ANO4: variants seen among roughly 807,000 people sequenced by gnomAD.
ANO4 encodes anoctamin 4, also known as anoctamin-4.
ANO4 carries 69 observed loss-of-function variants against 141.9 expected under a neutral mutation model. That is an observed-to-expected ratio of 0.49 (90% CI 0.40 to 0.59). The LOEUF (loss-of-function observed/expected upper bound fraction) is 0.59. Ranked by LOEUF, ANO4 falls within the 20% of genes least tolerant of loss-of-function variation. The pLI is 0.00. For synonymous variants in ANO4, 350 were observed against 394.3 expected (o/e 0.89, Z 1.33); for missense variants, 894 against 1,162.2 (o/e 0.77, Z 3.36).
intron 2 of ANO4, among the ~76,000 whole-genome samples, chr12:100,904,908 A>G (rs2040766041): frequency 6.6e-6 from 1 of 152,212 alleles, no homozygotes; most frequent in Non-Finnish European, 1.5e-5. Context: ...AGCAGAAGTA[A>G]TGGTGAGAAT....
chr12:100,967,570 GACAC>G (rs3059289), intron 5 of ANO4, among the ~76,000 whole-genome samples: 21,324 of 149,128 alleles, frequency 0.14, 1,804 homozygotes, highest in Middle Eastern at 0.26. Context: ...ATGTAAAGAG[GACAC>G]ACACACACAC....
chr12:101,049,353 A>C (rs1468579894), intron 14 of ANO4, among the ~76,000 whole-genome samples: 1 of 152,168 alleles, frequency 6.6e-6, no homozygotes, highest in Admixed American at 6.6e-5. Flanking sequence ...GCTCCAGCCA[A>C]AAGATGTCTT....
rs2048706036 is a variant in ANO4 at position 101,068,995 on chromosome 12, C to T, written c.1313-10198C>T. 5.1e-6 allele frequency: 4 copies of T among 787,806 alleles called. No individual in the cohort carries two copies. The East Asian group carries it at 9.9e-5, about 19-fold the overall frequency. 48.8% of individuals were successfully genotyped at this position (787,806 alleles called of 1,614,324 possible). ...TGACTATGAAAAATCAAACAAAGCT[C>T]TGGATAAGGCCCAGTTTAAAGAGCA... On this transcript the variant is annotated intron_variant, in intron 14 of 27. Transcript: ENST00000392977.
At chr12:100,881,812 A>G (rs1348377960) in intron 1 of ANO4, among the ~76,000 whole-genome samples, 1 of 152,224 alleles carries the variant, frequency 6.6e-6, no homozygotes, top group Admixed American at 6.5e-5. Flanking sequence ...AATACATAAC[A>G]CTGTTTCTTA....
chr12:100,768,038 T>C (rs1204817612), intron 3 of ANO4, among the ~76,000 whole-genome samples: 1 of 151,926 alleles, frequency 6.6e-6, no homozygotes, highest in Non-Finnish European at 1.5e-5. Context: ...CCTTGGGCCA[T>C]GGGGGCTGAC....
intron 14 of ANO4, among the ~76,000 whole-genome samples, chr12:101,054,214 A>G (rs1203394868): frequency 1.8e-5 from 1 of 54,774 alleles, no homozygotes; most frequent in East Asian, 3.5e-4. Context: ...CTTTCAAAGC[A>G]TGTTGATAAT....
At chr12:100,811,076 A>G (rs983019982) in intron 1 of ANO4, among the ~76,000 whole-genome samples, 17 of 152,184 alleles carry the variant, frequency 1.1e-4, no homozygotes, top group Admixed American at 7.9e-4. Flanking sequence ...TTTTCAGGAA[A>G]TAGTAATCAA....
At position 100,840,232 on chromosome 12, in the gene ANO4, G is replaced by C. The variant is rs1514782; in HGVS notation, c.-141+45205G>C. Among the ~76,000 whole-genome samples the C allele has an allele frequency of 2.0e-5, 3 of 152,032 alleles. No homozygotes were observed. In the South Asian group the frequency reaches 6.2e-4, roughly 32 times the overall value. ...ATGACTTCAGTGCAATTAACAATCCGTGTCTTTGTGTCCCAGTTTGATCTT... is the reference window on the plus strand; with the variant it reads ...ATGACTTCAGTGCAATTAACAATCCCTGTCTTTGTGTCCCAGTTTGATCTT... On this transcript the variant is annotated intron_variant, in intron 1 of 27. Coordinates refer to ENST00000392977, the MANE Select transcript of ANO4 (RefSeq NM_001286615.2).
intron 7 of ANO4, among the ~76,000 whole-genome samples, chr12:100,982,529 A>G (rs996497160): frequency 1.8e-4 from 28 of 152,360 alleles, no homozygotes; most frequent in African/African-American, 6.3e-4. Flanking sequence ...AGAGCAATCT[A>G]TGTAGAAGTT....
intron 19 of ANO4, 45 bp downstream of exon 19, chr12:101,096,692 C>T (rs994173829): frequency 1.4e-6 from 2 of 1,445,442 alleles, no homozygotes; most frequent in Non-Finnish European, 1.9e-6. Context: ...GAGGACAGAA[C>T]ACTTAGAAGG....
intron 3 of ANO4, among the ~76,000 whole-genome samples, chr12:100,742,894 T>C (rs2031933389): frequency 6.6e-6 from 1 of 152,196 alleles, no homozygotes; most frequent in Non-Finnish European, 1.5e-5. Context: ...GCTTGTCACC[T>C]TGTGCAGTGA....
intron 1 of ANO4, among the ~76,000 whole-genome samples, chr12:100,728,456 A>T (rs2031236271): frequency 6.6e-6 from 1 of 152,116 alleles, no homozygotes; most frequent in Non-Finnish European, 1.5e-5. Context: ...TTGTGATATT[A>T]ATCTGTCCTC....
chr12:100,815,157 G>A (rs1339201308), intron 1 of ANO4, among the ~76,000 whole-genome samples: 1 of 152,114 alleles, frequency 6.6e-6, no homozygotes, highest in African/African-American at 2.4e-5. Flanking sequence ...AGAATGTAGT[G>A]CTTAGAGATT....
At chr12:100,807,291 T>C (rs2035117381) in intron 1 of ANO4, among the ~76,000 whole-genome samples, 1 of 152,150 alleles carries the variant, frequency 6.6e-6, no homozygotes, top group South Asian at 2.1e-4. Context: ...ATCTATGAAA[T>C]CCCCTTATGT....
At chr12:101,006,393 A>G (rs2045873019) in intron 8 of ANO4, among the ~76,000 whole-genome samples, 1 of 152,234 alleles carries the variant, frequency 6.6e-6, no homozygotes, top group East Asian at 1.9e-4. Context: ...AGACCCCAAA[A>G]TTTGACTATT....
At chr12:100,848,000 C>G (rs2135837868) in intron 1 of ANO4, among the ~76,000 whole-genome samples, 1 of 152,338 alleles carries the variant, frequency 6.6e-6, no homozygotes, top group South Asian at 2.1e-4. Flanking sequence ...GAGTCTTAAA[C>G]TCCAAATATG....
chr12:101,069,976 T>C (rs1057223382), intron 14 of ANO4, among the ~76,000 whole-genome samples: 3 of 151,848 alleles, frequency 2.0e-5, no homozygotes, highest in Non-Finnish European at 4.4e-5. Context: ...TTATAAAGTA[T>C]ATAATAAAAT....
chr12:100,733,924 G>T (rs887315518), intron 2 of ANO4: 7 of 654,462 alleles, frequency 1.1e-5, no homozygotes, highest in Non-Finnish European at 1.9e-5. Flanking sequence ...GGAGGTCAAG[G>T]GGGTGGCTGG....
intron 7 of ANO4, among the ~76,000 whole-genome samples, chr12:100,984,408 C>T (rs1158811668): frequency 1.3e-5 from 2 of 152,144 alleles, no homozygotes; most frequent in South Asian, 4.1e-4. Context: ...TTTCTTCCAC[C>T]ACAGTTTTTT....
Sources: gnomAD v4.1 joint callset for allele counts (sites outside exome capture counted in the v4.1 genomes callset) on GRCh38, gnomAD v4.1.1 for gene constraint, MANE v1.5 for transcripts, NCBI Gene and HGNC (gene_info 2026-07-23, HGNC 2026-07-21) for gene names.